CD163L1: variants seen among roughly 807,000 people sequenced by gnomAD.
CD163L1 encodes the protein CD163 molecule like 1.
Under a neutral mutation model 165.4 loss-of-function variants are expected in CD163L1, and 124 were observed. That is an observed-to-expected ratio of 0.75 (90% CI 0.65 to 0.87). The LOEUF (loss-of-function observed/expected upper bound fraction) is 0.87, where lower values mean the gene tolerates loss of function less well. Ranked by LOEUF, CD163L1 falls within the 40% of genes least tolerant of loss-of-function variation. The pLI, the probability that CD163L1 is intolerant of heterozygous loss-of-function variation, is 0.00. For synonymous variants in CD163L1, 585 were observed against 662.2 expected (o/e 0.88, Z 1.79); for missense variants, 1,525 against 1,799.9 (o/e 0.85, Z 2.76).
chr12:7,326,204 CTTTGTTTTGTTT>C, the CD163L1 span, among the ~76,000 whole-genome samples: 1 of 151,986 alleles, frequency 6.6e-6, no homozygotes, highest in Non-Finnish European at 1.5e-5. Flanking sequence ...TGGCTTTTGG[CTTTGTTTTGTTT>C]TTTTGAGATG....
the CD163L1 span, among the ~76,000 whole-genome samples, chr12:7,335,652 A>T: frequency 6.6e-6 from 1 of 152,236 alleles, no homozygotes. Flanking sequence ...GGCAAAATTG[A>T]CAAATGGGAT....
the CD163L1 span, among the ~76,000 whole-genome samples, chr12:7,324,813 A>T: frequency 1.3e-5 from 2 of 151,606 alleles, no homozygotes; most frequent in African/African-American, 4.9e-5. Context: ...GCAGAAACAC[A>T]ATTCCAACTG....
Position 7,379,011 on chromosome 12 carries a change from G to A in CD163L1, c.2338C>T (p.His780Tyr), listed in dbSNP as rs774951190. ...IRWEWKQTACHLNMEASLICS... is the reference protein window; with the variant it reads ...IRWEWKQTACYLNMEASLICS... ...ATCAAACTTGCTTCCATATTTAAAT[G>A]ACACGCAGTCTGTTTCCACTCCCAT... is the stretch of plus-strand genomic sequence containing the variant. The change falls in exon 9 of 20, where the codon CAT becomes TAT. Residue 780 changes from histidine to tyrosine, a missense_variant. Coordinates refer to ENST00000313599, the MANE Select transcript of CD163L1 (RefSeq NM_174941.6). 8 of 1,609,032 alleles carry A rather than the reference G, an allele frequency of 5.0e-6. 1 individual carries two copies. The highest frequency in any genetic ancestry group is 5.1e-6 in the Non-Finnish European group (6 of 1,175,600).
chr12:7,443,334 C>T (rs978105619), intron 1 of CD163L1, among the ~76,000 whole-genome samples: 5 of 152,154 alleles, frequency 3.3e-5, no homozygotes, highest in African/African-American at 4.8e-5. Flanking sequence ...TTTCAAAAGC[C>T]TCAATCCTAT....
intron 18 of CD163L1, among the ~76,000 whole-genome samples, chr12:7,360,625 T>C (rs1002461875): frequency 5.3e-5 from 8 of 152,336 alleles, no homozygotes; most frequent in Non-Finnish European, 1.2e-4. Context: ...TTTCAGATAC[T>C]GATATTTTTA....
chr12:7,421,476 TATATGTAC>T (rs1565810076), intron 4 of CD163L1, among the ~76,000 whole-genome samples: 10 of 97,522 alleles, frequency 1.0e-4, no homozygotes, highest in Non-Finnish European at 1.8e-4. Context: ...TATATATACA[TATATGTAC>T]ATATATACAT....
rs759641680 is a variant in CD163L1, at chr12:7,415,271, G to A, written c.767-8419C>T. 7.9e-5 allele frequency among the ~76,000 whole-genome samples: 12 copies of A among 151,952 alleles called. No homozygotes were observed. The East Asian group carries it at 1.2e-3, about 15-fold the overall frequency. On this transcript the variant is annotated intron_variant, in intron 4 of 19. Transcript: ENST00000313599. ...AAAAATAGTTATAACTCTAATATGC[G>A]TCATGTAAGCTTTGTGGTAAACATA...
the CD163L1 span, chr12:7,320,895 C>G: frequency 9.1e-7 from 1 of 1,104,558 alleles, no homozygotes. Context: ...ATAGCTCAGG[C>G]TTTCTCAGTC....
the CD163L1 span, chr12:7,323,210 A>G: frequency 6.3e-7 from 1 of 1,581,662 alleles, no homozygotes. Context: ...TTGTATACTT[A>G]TACAAAGCTT....
rs76509897 is a variant in CD163L1 at position 7,367,528 on chromosome 12, C to G, written c.4184-197G>C. The G allele has an allele frequency of 6.2e-3, 2,690 of 432,886 alleles. 95 individuals carry two copies. The East Asian group carries it at 0.062, about 10-fold the overall frequency. The allele number at this position is 432,886 out of a possible 1,614,324, so 26.8% of individuals were successfully genotyped here. The stretch of plus-strand genomic sequence containing the variant: ...CTTTTTCTCCCTTGATATTCTTCCA[C>G]TTTTATTACCAAGTTCTTTACATAG... On this transcript the variant is annotated intron_variant, in intron 17 of 19. Coordinates refer to ENST00000313599, the MANE Select transcript of CD163L1 (RefSeq NM_174941.6).
chr12:7,402,104 T>C (rs988930947), intron 6 of CD163L1, among the ~76,000 whole-genome samples: 3 of 151,924 alleles, frequency 2.0e-5, no homozygotes, highest in Admixed American at 1.3e-4. Flanking sequence ...ATATAAGATA[T>C]ATGTAAGGTG....
intron 4 of CD163L1, among the ~76,000 whole-genome samples, chr12:7,426,566 G>C (rs1235162394): frequency 6.6e-6 from 1 of 152,132 alleles, no homozygotes; most frequent in African/African-American, 2.4e-5. Flanking sequence ...CTGCTCAGGT[G>C]ATGGGTGCAC....
downstream of CD163L1, among the ~76,000 whole-genome samples, chr12:7,349,951 TTCCCTTTGCCTTTATTGCTAACATTC>T (rs968975071): frequency 6.6e-6 from 1 of 152,162 alleles, no homozygotes; most frequent in Admixed American, 6.5e-5. Flanking sequence ...ATACCCCCTC[TTCCCTTTGCCTTTATTGCTAACATTC>T]TCTCCTGATG....
chr12:7,322,153 C>T, the CD163L1 span, among the ~76,000 whole-genome samples: 1 of 152,152 alleles, frequency 6.6e-6, no homozygotes, highest in Non-Finnish European at 1.5e-5. Context: ...CTTCTCCTGC[C>T]TTTTTACATC....
chr12:7,421,041 A>ATATATGTATATACG lies in CD163L1; in HGVS notation c.766+11374_766+11375insCGTATATACATATA, dbSNP rs1565808735. ...TATATATACATATATATATACGTGTATATATATGTATATACGTATATATGT... is the reference window on the plus strand; with the variant it reads ...TATATATACATATATATATACGTGTATATATGTATATACGTATATATGTATATACGTATATATGT... On this transcript the variant is annotated intron_variant, in intron 4 of 19. Transcript: ENST00000313599. Among the ~76,000 whole-genome samples, 903 of 108,294 alleles carry ATATATGTATATACG rather than the reference A, an allele frequency of 8.3e-3. 10 individuals carry two copies. Among genetic ancestry groups the ATATATGTATATACG allele is most frequent in the East Asian group, 0.019 (58 of 2,992 alleles). The allele number at this position is 108,294 out of a possible 152,430, so 71.0% of individuals were successfully genotyped here.
chr12:7,356,343 T>G (rs1040232482), intron 19 of CD163L1, among the ~76,000 whole-genome samples: 5 of 152,116 alleles, frequency 3.3e-5, no homozygotes, highest in African/African-American at 1.2e-4. Flanking sequence ...CTAAATGGTT[T>G]TTGTGTACTT....
At chr12:7,421,146 TGTGTATAA>T (rs1482267304) in intron 4 of CD163L1, among the ~76,000 whole-genome samples, 5 of 129,260 alleles carry the variant, frequency 3.9e-5, no homozygotes, top group Non-Finnish European at 3.2e-5. Flanking sequence ...TATGTATATA[TGTGTATAA>T]ATGTATATAT....
intron 4 of CD163L1, among the ~76,000 whole-genome samples, chr12:7,414,050 A>G (rs890880360): frequency 2.6e-5 from 4 of 152,202 alleles, no homozygotes; most frequent in African/African-American, 9.6e-5. Context: ...CAAGGCTTCA[A>G]AAAACACAAT....
At chr12:7,387,352 G>A (rs1419779044) in intron 8 of CD163L1, among the ~76,000 whole-genome samples, 1 of 152,178 alleles carries the variant, frequency 6.6e-6, no homozygotes, top group Non-Finnish European at 1.5e-5. Flanking sequence ...ATGAAATGAA[G>A]AGACATCTCG....
Sources: allele counts gnomAD v4.1 joint callset (sites outside exome capture counted in the v4.1 genomes callset), GRCh38; gene constraint gnomAD v4.1.1; transcripts MANE v1.5; gene names NCBI Gene and HGNC (gene_info 2026-07-23, HGNC 2026-07-21).